The following PHACTR3 variants were observed in gnomAD, a reference collection of about 807,000 sequenced individuals.
PHACTR3 encodes the protein phosphatase and actin regulator 3, also known as protein phosphatase 1, regulatory subunit 123.
PHACTR3 carries 16 observed loss-of-function variants against 66.8 expected under a neutral mutation model. The ratio of observed to expected loss-of-function variants is 0.24; its 90% CI spans 0.16 to 0.36. PHACTR3 has a LOEUF of 0.36. Among genes scored for constraint, PHACTR3 ranks in the 10% least tolerant of loss-of-function variants. The probability of loss-of-function intolerance (pLI) is 1.00; values close to 1 mark genes in which losing one functional copy is unlikely to be tolerated. For synonymous variants in PHACTR3, 323 were observed against 292.1 expected (o/e 1.11, Z -1.08); for missense variants, 647 against 719.9 (o/e 0.90, Z 1.16).
chr20:59,691,176 C>T (rs1265055121), intron 1 of PHACTR3, among the ~76,000 whole-genome samples: 1 of 152,186 alleles, frequency 6.6e-6, no homozygotes, highest in African/African-American at 2.4e-5. Context: ...ACATCAGTCA[C>T]GTTTGTAGCT....
At chr20:59,618,220 G>T (rs948826345) in intron 1 of PHACTR3, among the ~76,000 whole-genome samples, 1 of 152,230 alleles carries the variant, frequency 6.6e-6, no homozygotes. Flanking sequence ...AGTATGGCGG[G>T]ATGGGGCTGC....
intron 1 of PHACTR3, among the ~76,000 whole-genome samples, chr20:59,614,632 C>T (rs1369397898): frequency 4.6e-5 from 7 of 152,162 alleles, no homozygotes; most frequent in African/African-American, 1.7e-4. Context: ...ATACTATGCT[C>T]CTGTTTGTAA....
intron 4 of PHACTR3, among the ~76,000 whole-genome samples, chr20:59,766,194 A>G (rs1018799109): frequency 6.6e-6 from 1 of 152,174 alleles, no homozygotes; most frequent in African/African-American, 2.4e-5. Flanking sequence ...GAGGTGGGGA[A>G]GGGACAGAAA....
At chr20:59,824,166 C>G (rs1216264681) in intron 8 of PHACTR3, among the ~76,000 whole-genome samples, 1 of 152,222 alleles carries the variant, frequency 6.6e-6, no homozygotes, top group Non-Finnish European at 1.5e-5. Flanking sequence ...TTGGTCACAT[C>G]TACCAGACGC....
chr20:59,834,433 G>A (rs145301791), intron 8 of PHACTR3, among the ~76,000 whole-genome samples: 1 of 152,346 alleles, frequency 6.6e-6, no homozygotes, highest in East Asian at 1.9e-4. Context: ...AATGCTGGGT[G>A]CCCAGCTCTA....
intron 3 of PHACTR3, among the ~76,000 whole-genome samples, chr20:59,754,421 G>A (rs8122145): frequency 0.023 from 3,543 of 152,302 alleles, 97 homozygotes; most frequent in Middle Eastern, 0.085. Context: ...CTGGGCTCAC[G>A]GTGCCATGTG....
chr20:59,815,188 C>T (rs935369488), intron 8 of PHACTR3, among the ~76,000 whole-genome samples: 3 of 152,072 alleles, frequency 2.0e-5, no homozygotes, highest in South Asian at 2.1e-4. Flanking sequence ...GGGACCTCAT[C>T]GGGGGGAATT....
chr20:59,808,222 G>A (rs924983073), intron 8 of PHACTR3, among the ~76,000 whole-genome samples: 3 of 152,182 alleles, frequency 2.0e-5, no homozygotes, highest in African/African-American at 7.2e-5. Context: ...AGAACCCCTC[G>A]GAGCTTGCTG....
In PHACTR3 at chr20:59,836,378, T is replaced by G. The variant is rs992196216; in HGVS notation, c.1329-127T>G. 4 of 767,372 alleles carry G rather than the reference T, an allele frequency of 5.2e-6. No homozygotes were observed. In the Admixed American group the frequency reaches 1.4e-4, roughly 27 times the overall value. The allele number at this position is 767,372 out of a possible 1,614,324, so 47.5% of individuals were successfully genotyped here. ...AGAGGCAACAACCAAAGGTTCACTT[T>G]CTCTCCTTCCAATTTTGGGAGGCGA... On this transcript the variant is annotated intron_variant, in intron 8 of 12. Transcript: ENST00000371015.
rs751890768 is a variant in PHACTR3, at chr20:59,774,226, C to A, written c.927-17C>A. On this transcript the variant is annotated splice_polypyrimidine_tract_variant and intron_variant, in intron 6 of 12. Coordinates refer to ENST00000371015, the MANE Select transcript of PHACTR3 (RefSeq NM_080672.5). ...TGAAGGGGGTGACCTATAACCTGAACCATCTTTCTGGTTTAGTTTTCAAGG... is the reference window on the plus strand; with the variant it reads ...TGAAGGGGGTGACCTATAACCTGAAACATCTTTCTGGTTTAGTTTTCAAGG... 1 of 1,561,774 alleles carries A rather than the reference C, an allele frequency of 6.4e-7. No homozygotes were observed. Among genetic ancestry groups the A allele is most frequent in the South Asian group, 1.2e-5 (1 of 80,516 alleles).
At chr20:59,636,648 G>A (rs1237530373) in intron 1 of PHACTR3, among the ~76,000 whole-genome samples, 2 of 152,130 alleles carry the variant, frequency 1.3e-5, no homozygotes. Context: ...GCTCTCAAAT[G>A]GATATCAGGA....
upstream of PHACTR3, among the ~76,000 whole-genome samples, chr20:59,601,967 T>C (rs571344786): frequency 3.3e-5 from 5 of 152,306 alleles, no homozygotes; most frequent in Non-Finnish European, 5.9e-5. Context: ...AGTAGGTGAA[T>C]GGGTGCTGCT....
intron 3 of PHACTR3, among the ~76,000 whole-genome samples, chr20:59,754,148 G>A (rs1568783207): frequency 1.3e-5 from 2 of 152,326 alleles, no homozygotes; most frequent in South Asian, 4.1e-4. Context: ...CTTGCTGGCC[G>A]AGGGCCCTGC....
chr20:59,785,967 AC>A (rs1424556773), intron 7 of PHACTR3, among the ~76,000 whole-genome samples: 2 of 152,034 alleles, frequency 1.3e-5, no homozygotes, highest in Non-Finnish European at 2.9e-5. Flanking sequence ...GTAGCACTAG[AC>A]TTTTCTGTTT....
At chr20:59,832,036 G>A (rs1385242666) in intron 8 of PHACTR3, among the ~76,000 whole-genome samples, 2 of 152,082 alleles carry the variant, frequency 1.3e-5, no homozygotes, top group East Asian at 1.9e-4. Context: ...CCTCTGCCTG[G>A]GCCTGACTCT....
rs533811624 is a variant in PHACTR3 at position 59,723,422 on chromosome 20, C to T, written c.119-19685C>T. Among the ~76,000 whole-genome samples, 3 of 152,196 alleles carry T rather than the reference C, an allele frequency of 2.0e-5. No individual in the cohort carries two copies. The South Asian group carries it at 6.3e-4, about 32-fold the overall frequency. On this transcript the variant is annotated intron_variant, in intron 1 of 12. Transcript: ENST00000371015. ...TCACCTAACACCGTGTTTTCAAGTT[C>T]ACCTGCATTGCGGCATTGCCAGTTT...
chr20:59,836,438 C>T, intron 8 of PHACTR3, 67 bp from the exon 9 acceptor site: 3 of 1,506,708 alleles, frequency 2.0e-6, no homozygotes, highest in South Asian at 1.2e-5. Flanking sequence ...CTCATCCTTG[C>T]AGACCCCAGG....
chr20:59,690,258 T>C (rs929820530), intron 1 of PHACTR3, among the ~76,000 whole-genome samples: 1 of 152,158 alleles, frequency 6.6e-6, no homozygotes, highest in Non-Finnish European at 1.5e-5. Flanking sequence ...CAAACACAGA[T>C]GTTTGCTGGC....
chr20:59,779,693 C>T (rs1182503), intron 7 of PHACTR3, among the ~76,000 whole-genome samples: 5,317 of 152,312 alleles, frequency 0.035, 151 homozygotes, highest in Non-Finnish European at 0.051. Flanking sequence ...TGTTATCAAA[C>T]GTTTTTGTGA....
Sources: allele counts gnomAD v4.1 joint callset (sites outside exome capture counted in the v4.1 genomes callset), GRCh38; gene constraint gnomAD v4.1.1; transcripts MANE v1.5; gene names NCBI Gene and HGNC (gene_info 2026-07-23, HGNC 2026-07-21).